Variants in HMG20A observed in about 807,000 individuals in gnomAD.
HMG20A encodes high mobility group 20A, also known as high mobility group protein 20A.
A neutral mutation model predicts 43.9 loss-of-function variants in HMG20A; 17 were observed. That is an observed-to-expected ratio of 0.39 (90% confidence interval 0.27 to 0.58). The LOEUF (loss-of-function observed/expected upper bound fraction) is 0.58, where lower values mean the gene tolerates loss of function less well. Ranked by LOEUF, HMG20A falls within the 20% of genes least tolerant of loss-of-function variation. The probability of loss-of-function intolerance (pLI) is 0.59; values close to 1 mark genes in which losing one functional copy is unlikely to be tolerated. For missense variants in HMG20A, 341 were observed against 438.2 expected, an observed-to-expected ratio of 0.78 and a Z score of 1.98; for synonymous variants, 132 against 147.5, an observed-to-expected ratio of 0.89 and a Z score of 0.76.
the HMG20A span, among the ~76,000 whole-genome samples, chr15:77,494,442 C>A: frequency 6.6e-6 from 1 of 152,160 alleles, no homozygotes; most frequent in Non-Finnish European, 1.5e-5. Context: ...CTACTGCTAA[C>A]TTTCACTATT....
At chr15:77,472,590 A>T (rs2072819732) in intron 6 of HMG20A, among the ~76,000 whole-genome samples, 1 of 152,108 alleles carries the variant, frequency 6.6e-6, no homozygotes, top group Non-Finnish European at 1.5e-5. Context: ...CTCAGTTCTC[A>T]CACCTCCTTT....
intron 1 of HMG20A, among the ~76,000 whole-genome samples, chr15:77,438,161 T>C (rs912977713): frequency 6.8e-6 from 1 of 147,764 alleles, no homozygotes; most frequent in Admixed American, 6.8e-5. Flanking sequence ...TTTTTTTTTT[T>C]AGAGACAGGA....
chr15:77,439,117 A>G (rs1452243728), intron 1 of HMG20A, among the ~76,000 whole-genome samples: 1 of 152,180 alleles, frequency 6.6e-6, no homozygotes, highest in Non-Finnish European at 1.5e-5. Flanking sequence ...CATTATAAAG[A>G]ATAACTTTAC....
intron 1 of HMG20A, among the ~76,000 whole-genome samples, chr15:77,438,896 T>C (rs889119856): frequency 1.3e-5 from 2 of 152,164 alleles, no homozygotes; most frequent in Non-Finnish European, 2.9e-5. Context: ...GTTCACACCA[T>C]TCTCCTGCCT....
intron 1 of HMG20A, among the ~76,000 whole-genome samples, chr15:77,441,741 C>CT (rs137877769): frequency 6.6e-6 from 1 of 152,040 alleles, no homozygotes; most frequent in Non-Finnish European, 1.5e-5. Flanking sequence ...CACAGTTAAG[C>CT]TTTTTTTCCC....
At chr15:77,512,449 GA>G in the HMG20A span, among the ~76,000 whole-genome samples, 5 of 151,566 alleles carry the variant, frequency 3.3e-5, no homozygotes, top group African/African-American at 7.3e-5. Flanking sequence ...TAAAATTAAA[GA>G]AAAAAAAGGA....
At chr15:77,422,218 A>C (rs977883224) in intron 1 of HMG20A, among the ~76,000 whole-genome samples, 1 of 152,226 alleles carries the variant, frequency 6.6e-6, no homozygotes, top group Non-Finnish European at 1.5e-5. Context: ...CAGTGAACCT[A>C]GAACTGTATT....
chr15:77,455,689 C>T (rs2072647551), intron 1 of HMG20A, among the ~76,000 whole-genome samples: 2 of 152,134 alleles, frequency 1.3e-5, no homozygotes, highest in East Asian at 3.9e-4. Context: ...TTTAGAGCAG[C>T]ATTCATTACA....
chr15:77,460,107 G>A (rs745928674), intron 2 of HMG20A, among the ~76,000 whole-genome samples: 1 of 152,122 alleles, frequency 6.6e-6, no homozygotes, highest in African/African-American at 2.4e-5. Flanking sequence ...CAGTTAGGGA[G>A]GCTCTTAAAA....
chr15:77,502,839 A>C, the HMG20A span, among the ~76,000 whole-genome samples: 1 of 152,126 alleles, frequency 6.6e-6, no homozygotes, highest in East Asian at 1.9e-4. Flanking sequence ...GCGTGATGGC[A>C]TGCCCCTGGA....
the HMG20A span, among the ~76,000 whole-genome samples, chr15:77,499,379 A>G: frequency 6.6e-6 from 1 of 152,244 alleles, no homozygotes; most frequent in Non-Finnish European, 1.5e-5. Flanking sequence ...TTAAATATGT[A>G]TTCTTCCCAA....
chr15:77,479,041 G>T (rs2072883079), intron 8 of HMG20A, 138 bp from the exon 9 acceptor site: 1 of 773,120 alleles, frequency 1.3e-6, no homozygotes, highest in Admixed American at 2.5e-5. Flanking sequence ...ATTTCTTTGA[G>T]ATCTAAAAGT....
At chr15:77,488,975 A>T (rs1429307644), downstream of HMG20A, among the ~76,000 whole-genome samples, 1 of 152,180 alleles carries the variant, frequency 6.6e-6, no homozygotes, top group Non-Finnish European at 1.5e-5. Context: ...TCAGGTCTGG[A>T]TTCTGCTGCT....
At chr15:77,447,923 T>A (rs1029274066) in intron 1 of HMG20A, 2 of 152,168 alleles carry the variant, frequency 1.3e-5, no homozygotes, top group African/African-American at 4.8e-5. Context: ...CTTCAAAAAA[T>A]TTGCAAATAG....
At chr15:77,453,503 G>T (rs775135157) in intron 1 of HMG20A, among the ~76,000 whole-genome samples, 49 of 152,132 alleles carry the variant, frequency 3.2e-4, no homozygotes, top group Non-Finnish European at 6.2e-4. Flanking sequence ...GAGGTGCTTT[G>T]AAAAACAGTT....
At chr15:77,494,555 A>G in the HMG20A span, among the ~76,000 whole-genome samples, 1 of 152,214 alleles carries the variant, frequency 6.6e-6, no homozygotes, top group East Asian at 1.9e-4. Flanking sequence ...GAATATTTAA[A>G]CTTACATGAG....
intron 1 of HMG20A, among the ~76,000 whole-genome samples, chr15:77,426,242 G>A (rs553096808): frequency 3.3e-5 from 5 of 152,194 alleles, no homozygotes; most frequent in East Asian, 1.9e-4. Context: ...GAACAATGAG[G>A]GGGTTCGGGG....
At chr15:77,447,597 T>C (rs1172149081) in intron 1 of HMG20A, 1 of 152,158 alleles carries the variant, frequency 6.6e-6, no homozygotes, top group Non-Finnish European at 1.5e-5. Context: ...TTCTAAATTT[T>C]TACTTCAAAA....
chr15:77,458,303 GCTT>G, intron 1 of HMG20A, 98 bp from the exon 2 acceptor site: 1 of 712,124 alleles, frequency 1.4e-6, no homozygotes, highest in East Asian at 2.7e-5. Flanking sequence ...TTATTCTGTT[GCTT>G]ATATGATAAA....
Sources: allele counts gnomAD v4.1 joint callset (sites outside exome capture counted in the v4.1 genomes callset), GRCh38; gene constraint gnomAD v4.1.1; transcripts MANE v1.5; gene names NCBI Gene and HGNC (gene_info 2026-07-23, HGNC 2026-07-21).